The following NEBL variants were observed in gnomAD, a reference collection of about 807,000 sequenced individuals.
The protein encoded by NEBL is nebulette.
Under a neutral mutation model 140.2 loss-of-function variants are expected in NEBL, and 122 were observed. The ratio of observed to expected loss-of-function variants is 0.87; its 90% CI spans 0.75 to 1.01. NEBL has a LOEUF of 1.01. Ranked by LOEUF, NEBL falls within the 50% of genes least tolerant of loss-of-function variation. NEBL has a pLI of 0.00. For missense variants in NEBL, 1,365 were observed against 1,231.3 expected, an observed-to-expected ratio of 1.11 and a Z score of -1.62; for synonymous variants, 436 against 398.9, an observed-to-expected ratio of 1.09 and a Z score of -1.11.
chr10:21,173,786 C>T lies in NEBL; in HGVS notation c.48G>A (p.Glu16=). 1 of 1,613,134 alleles carries T rather than the reference C, an allele frequency of 6.2e-7. No homozygotes were observed. Among genetic ancestry groups the T allele is most frequent in the Non-Finnish European group, 8.5e-7 (1 of 1,179,866 alleles). The change falls in exon 1 of 7, where the codon GAG becomes GAA. Residue 16 remains glutamate (E), a synonymous_variant. Transcript: ENST00000417816. This position sits in a 1 kb window ranked among gnomAD's most constrained non-coding sequence, Gnocchi z 5.7. ...TCACCTTATCCAGGCAGTTGACTTT[C>T]TCGGTGGGATACACGACTTTTCCGC...
At chr10:20,990,022 C>G (rs1837398407) in intron 3 of NEBL, among the ~76,000 whole-genome samples, 1 of 151,998 alleles carries the variant, frequency 6.6e-6, no homozygotes. Context: ...TTACAGATAT[C>G]TTGAAGTATT....
chr10:21,180,146 A>G (rs957235269), intron 3 of NEBL, among the ~76,000 whole-genome samples: 3 of 151,986 alleles, frequency 2.0e-5, no homozygotes, highest in African/African-American at 7.3e-5. Context: ...CAGAAAAAAA[A>G]AAAGAAAAAA....
chr10:21,141,060 C>CAAAA lies in NEBL; in HGVS notation c.164+31319_164+31322dup, dbSNP rs35937796. The stretch of plus-strand genomic sequence containing the variant: ...TAAATATAAAACAAGAGGTATTCGA[C>CAAAA]AAAAAAAAAAAAAACCTGCTCTATG... On this transcript the variant is annotated intron_variant, in intron 2 of 6. Coordinates refer to the NEBL transcript ENST00000417816. Among the ~76,000 whole-genome samples the CAAAA allele has an allele frequency of 5.4e-4, 65 of 120,066 alleles. No individual in the cohort carries two copies. In the South Asian group the frequency reaches 6.7e-3, roughly 12 times the overall value. The allele number at this position is 120,066 out of a possible 152,430, so 78.8% of individuals were successfully genotyped here. A position where few individuals can be genotyped will look rare whatever the true frequency, so the allele number is the denominator to read the frequency against.
At chr10:21,243,851 C>T (rs1319912967) in intron 3 of NEBL, among the ~76,000 whole-genome samples, 2 of 151,228 alleles carry the variant, frequency 1.3e-5, no homozygotes, top group African/African-American at 4.9e-5. Context: ...AAGTTTATTC[C>T]CAGGTCCAAA....
intron 17 of NEBL, 125 bp from the exon 18 acceptor site, chr10:20,826,664 C>A: frequency 1.3e-6 from 1 of 759,026 alleles, no homozygotes; most frequent in South Asian, 1.6e-5. Flanking sequence ...TTATGAGTGC[C>A]GGAATTATAG....
At chr10:20,790,523 C>A (rs964753981) in intron 26 of NEBL, among the ~76,000 whole-genome samples, 22 of 151,366 alleles carry the variant, frequency 1.5e-4, no homozygotes, top group African/African-American at 5.3e-4. Flanking sequence ...ATCACTTGAA[C>A]CCAGGAGGAG....
chr10:21,180,900 T>C (rs1841376442), intron 3 of NEBL, among the ~76,000 whole-genome samples: 1 of 152,122 alleles, frequency 6.6e-6, no homozygotes, highest in African/African-American at 2.4e-5. Flanking sequence ...GATGTAGAAA[T>C]GTGGTAGATT....
chr10:20,980,532 G>T (rs968679797), intron 3 of NEBL, among the ~76,000 whole-genome samples: 13 of 152,304 alleles, frequency 8.5e-5, no homozygotes, highest in Admixed American at 2.6e-4. Context: ...CATATATAGC[G>T]TGCATGGTAC....
chr10:20,914,983 T>TTTTTTTTTTTTTTTTTTTTTTTTG (rs1848483230), intron 4 of NEBL, among the ~76,000 whole-genome samples: 1 of 149,140 alleles, frequency 6.7e-6, no homozygotes, highest in African/African-American at 2.5e-5. Flanking sequence ...TTTTTTTTTT[T>TTTTTTTTTTTTTTTTTTTTTTTTG]GGAGAGATGG....
intron 1 of NEBL, among the ~76,000 whole-genome samples, chr10:21,283,671 C>T (rs372275919): frequency 2.5e-4 from 38 of 152,194 alleles, no homozygotes; most frequent in Middle Eastern, 3.4e-3. Context: ...TCAATCAAAC[C>T]TATTAATATT....
intron 2 of NEBL, among the ~76,000 whole-genome samples, chr10:21,065,080 A>G (rs1835475367): frequency 6.6e-6 from 1 of 152,198 alleles, no homozygotes; most frequent in South Asian, 2.1e-4. Context: ...CTTTTACTGA[A>G]CAATAAGATT....
chr10:20,789,391 A>G (rs1041677328), intron 26 of NEBL, among the ~76,000 whole-genome samples: 1 of 152,178 alleles, frequency 6.6e-6, no homozygotes, highest in Non-Finnish European at 1.5e-5. Flanking sequence ...TTTAAGAAAA[A>G]CTTTCAGGAA....
At chr10:21,044,150 A>G (rs1163860529) in intron 2 of NEBL, among the ~76,000 whole-genome samples, 1 of 152,134 alleles carries the variant, frequency 6.6e-6, no homozygotes, top group Non-Finnish European at 1.5e-5. Context: ...TAATCCCAAC[A>G]ATTTTGGAGG....
chr10:20,807,074 C>T (rs1239848746), intron 26 of NEBL, among the ~76,000 whole-genome samples: 2 of 152,178 alleles, frequency 1.3e-5, no homozygotes, highest in Admixed American at 6.5e-5. Flanking sequence ...GCCTCTGATC[C>T]CCGCACTTGG....
In NEBL at chr10:20,897,155, C is replaced by T. The variant is rs1847579609; in HGVS notation, c.51G>A (p.Lys17=). ...CTTCTTCATTTTCTTCTTCCCCTAT[C>T]TTTTCTTCTTCAGTTTCATCTTTTA... ...EDIKDETEEE[K]IGEEENEEDQ... Residue 17 remains lysine (K), a synonymous_variant, in exon 1 of 28, where the codon AAG becomes AAA. Coordinates refer to ENST00000377122, the MANE Select transcript of NEBL (RefSeq NM_006393.3). 6.2e-7 allele frequency: 1 copy of T among 1,606,650 alleles called. No individual in the cohort carries two copies. The highest frequency in any genetic ancestry group is 1.3e-5 in the African/African-American group (1 of 74,806).
At chr10:21,066,319 T>A (rs1835539207) in intron 2 of NEBL, among the ~76,000 whole-genome samples, 1 of 152,264 alleles carries the variant, frequency 6.6e-6, no homozygotes, top group African/African-American at 2.4e-5. Context: ...GAATTTTTCA[T>A]GAATACGGTA....
At chr10:20,825,344 C>G (rs1420198079) in intron 18 of NEBL, among the ~76,000 whole-genome samples, 3 of 151,998 alleles carry the variant, frequency 2.0e-5, no homozygotes, top group African/African-American at 7.2e-5. Context: ...AGAACGAATC[C>G]TTTTTACTTC....
At chr10:21,167,376 T>C (rs1329089634) in intron 2 of NEBL, among the ~76,000 whole-genome samples, 1 of 152,178 alleles carries the variant, frequency 6.6e-6, no homozygotes. Flanking sequence ...GTATAGTAAA[T>C]GTAGGCAGGT....
intron 3 of NEBL, among the ~76,000 whole-genome samples, chr10:20,986,603 A>G (rs948608358): frequency 1.3e-5 from 2 of 152,200 alleles, no homozygotes; most frequent in Non-Finnish European, 2.9e-5. Flanking sequence ...GTGTTTCCCT[A>G]GTATCTTAAT....
Sources: allele counts gnomAD v4.1 joint callset (sites outside exome capture counted in the v4.1 genomes callset), GRCh38; gene constraint gnomAD v4.1.1; non-coding constraint Gnocchi (gnomAD v3.1); transcripts MANE v1.5; gene names NCBI Gene and HGNC (gene_info 2026-07-23, HGNC 2026-07-21).